Variants in LEMD2 observed in about 807,000 individuals in gnomAD.
LEMD2 encodes the protein LEM domain nuclear envelope protein 2.
A neutral mutation model predicts 58.8 loss-of-function variants in LEMD2; 34 were observed. That is an observed-to-expected ratio of 0.58 (90% CI 0.44 to 0.77). The LOEUF is 0.77. Ranked by LOEUF, LEMD2 falls within the 30% of genes least tolerant of loss-of-function variation. The pLI is 0.00. For missense variants in LEMD2, 629 were observed against 717.9 expected (o/e 0.88, Z 1.42); for synonymous variants, 298 against 308.9 (o/e 0.96, Z 0.37).
At chr6:33,780,297 T>G (rs1246894953) in intron 4 of LEMD2, 118 bp from the exon 5 acceptor site, 1 of 886,650 alleles carries the variant, frequency 1.1e-6, no homozygotes, top group East Asian at 2.7e-5. Context: ...AAAACCCTGT[T>G]CTGCTAAAAG....
At chr6:33,786,607 T>C in intron 2 of LEMD2, 127 bp downstream of exon 2, 1 of 706,316 alleles carries the variant, frequency 1.4e-6, no homozygotes, top group East Asian at 2.6e-5. Context: ...GAACACAATG[T>C]GACTCTGGTA....
intron 1 of LEMD2, 80 bp downstream of exon 1, chr6:33,788,301 C>T: frequency 7.2e-7 from 1 of 1,389,300 alleles, no homozygotes; most frequent in Non-Finnish European, 9.5e-7. Context: ...AGTGCGCGGC[C>T]TGGCGCCGAC....
At chr6:33,783,297 G>T (rs1183346173) in intron 3 of LEMD2, among the ~76,000 whole-genome samples, 1 of 152,200 alleles carries the variant, frequency 6.6e-6, no homozygotes, top group Non-Finnish European at 1.5e-5. Context: ...GCTCATGGAT[G>T]CCTCCCCTAC....
chr6:33,778,208 C>A lies in LEMD2; in HGVS notation c.1156+34G>T. On this transcript the variant is annotated intron_variant, in intron 6 of 8. Transcript: ENST00000293760. The surrounding 1 kb of genome is among the most constrained non-coding windows in gnomAD (Gnocchi z 4.7). Reference sequence around the variant, plus strand: ...TCATGCCTAGGAGTATGCTTGACTGCACAGAAGGGGAGGGAAGGCGGCCGA... The same window carrying A: ...TCATGCCTAGGAGTATGCTTGACTGAACAGAAGGGGAGGGAAGGCGGCCGA... 1 of 1,549,776 alleles carries A rather than the reference C, an allele frequency of 6.5e-7. No individual in the cohort carries two copies. Among genetic ancestry groups the A allele is most frequent in the Non-Finnish European group, 8.7e-7 (1 of 1,145,058 alleles).
chr6:33,778,218 G>T lies in LEMD2; in HGVS notation c.1156+24C>A, dbSNP rs762262649. The T allele has an allele frequency of 1.3e-6, 2 of 1,564,492 alleles. No individual in the cohort carries two copies. Among genetic ancestry groups the T allele is most frequent in the South Asian group, 1.2e-5 (1 of 83,314 alleles). On this transcript the variant is annotated intron_variant, in intron 6 of 8. Transcript: ENST00000293760. This position sits in a 1 kb window ranked among gnomAD's most constrained non-coding sequence, Gnocchi z 4.7. ...GAGTATGCTTGACTGCACAGAAGGG[G>T]AGGGAAGGCGGCCGAGGACTTACAC...
At chr6:33,774,970 CTGAATGAA>C (rs3067716) in intron 8 of LEMD2, among the ~76,000 whole-genome samples, 8 of 151,416 alleles carry the variant, frequency 5.3e-5, no homozygotes, top group Non-Finnish European at 8.8e-5. Context: ...TGTGGAGGAA[CTGAATGAA>C]TGAATGAATG....
At chr6:33,773,097 G>A (rs967048576) in intron 8 of LEMD2, among the ~76,000 whole-genome samples, 1 of 152,152 alleles carries the variant, frequency 6.6e-6, no homozygotes, top group African/African-American at 2.4e-5. Context: ...TGTTGCCTGC[G>A]CAGCCCTTGC....
chr6:33,772,283 G>A lies in LEMD2; in HGVS notation c.*345C>T, dbSNP rs1767317723. On this transcript the variant is annotated 3_prime_UTR_variant, in exon 9 of 9. Coordinates refer to ENST00000293760, the MANE Select transcript of LEMD2 (RefSeq NM_181336.4). ...TCCCAGGTGACAGACTCCCTGGCGT[G>A]GCCATGCCCCAGCCCACCAGCCCCA... is the stretch of plus-strand genomic sequence containing the variant. 5.4e-6 allele frequency: 1 copy of A among 186,066 alleles called. No homozygotes were observed. Among genetic ancestry groups the A allele is most frequent in the Non-Finnish European group, 1.1e-5 (1 of 90,272 alleles). The allele number at this position is 186,066 out of a possible 1,614,324, so 11.5% of individuals were successfully genotyped here.
chr6:33,786,618 C>A lies in LEMD2; in HGVS notation c.777+116G>T, dbSNP rs567462537. 41 of 749,374 alleles carry A rather than the reference C, an allele frequency of 5.5e-5. No individual in the cohort carries two copies. The East Asian group carries it at 9.4e-4, about 17-fold the overall frequency. The allele number at this position is 749,374 out of a possible 1,614,324, so 46.4% of individuals were successfully genotyped here. On this transcript the variant is annotated intron_variant, in intron 2 of 8. Coordinates refer to ENST00000293760, the MANE Select transcript of LEMD2 (RefSeq NM_181336.4). ...CACAGAACACAATGTGACTCTGGTA[C>A]ATTACAGGAAGCACTCCCTGAAAAT...
intron 8 of LEMD2, among the ~76,000 whole-genome samples, chr6:33,775,076 C>G (rs1298736994): frequency 6.6e-6 from 1 of 152,254 alleles, no homozygotes. Flanking sequence ...CACAGGTTGA[C>G]TGAGATGCTC....
At position 33,777,146 on chromosome 6, in the gene LEMD2, T is replaced by C; in HGVS notation, c.1250A>G (p.Lys417Arg). ...ACCAGGGGGCCACGCACCTATAATCTTCTTCACCATCTCATACATGGCTTG... is the reference window on the plus strand; with the variant it reads ...ACCAGGGGGCCACGCACCTATAATCCTCTTCACCATCTCATACATGGCTTG... ...EEQAMYEMVK[K>R]IIDVVQDHYV... The change falls in exon 7 of 9, where the codon AAG becomes AGG. Residue 417 changes from lysine to arginine, a missense_variant. Around this residue, in one of 2 missense-constraint regions of LEMD2, gnomAD observed 243 missense variants for 336.8 expected, o/e 0.72. Coordinates refer to ENST00000293760, the MANE Select transcript of LEMD2 (RefSeq NM_181336.4). 2 of 1,614,076 alleles carry C rather than the reference T, an allele frequency of 1.2e-6. No homozygotes were observed. The highest frequency in any genetic ancestry group is 1.7e-6 in the Non-Finnish European group (2 of 1,179,900).
Position 33,789,045 on chromosome 6 carries a change from G to A in LEMD2, c.72C>T (p.Thr24=), listed in dbSNP as rs1458609085. The A allele has an allele frequency of 1.3e-6, 2 of 1,557,182 alleles. No individual in the cohort carries two copies. The highest frequency in any genetic ancestry group is 1.7e-6 in the Non-Finnish European group (2 of 1,158,856). ...TGCGGTAGACATCCCGGGTGGTGTC[G>A]GTGATGGGTCCTGGCTGGAAGCCCA... ...QALGFQPGPI[T]DTTRDVYRNK... is the part of the protein sequence containing the mutation. The change falls in exon 1 of 9, where the codon ACC becomes ACT. Residue 24 remains threonine (T), a synonymous_variant. Transcript: ENST00000293760.
intron 2 of LEMD2, among the ~76,000 whole-genome samples, chr6:33,785,946 C>T (rs1172841660): frequency 6.6e-6 from 1 of 152,236 alleles, no homozygotes; most frequent in Admixed American, 6.5e-5. Flanking sequence ...ACAGTCAATG[C>T]AGGGCTGGCC....
At position 33,784,436 on chromosome 6, in the gene LEMD2, G is replaced by A; in HGVS notation, c.778-9C>T. The A allele has an allele frequency of 4.5e-6, 6 of 1,318,752 alleles. No homozygotes were observed. The highest frequency in any genetic ancestry group is 6.1e-6 in the Non-Finnish European group (6 of 978,694). 81.7% of individuals were successfully genotyped at this position (1,318,752 alleles called of 1,614,324 possible). On this transcript the variant is annotated splice_polypyrimidine_tract_variant and intron_variant, in intron 2 of 8. Transcript: ENST00000293760. ...TGCTTGGCCTGACAGAACTGGAAAGGCACGGGACAAGTGGTCAGCAAGGAG... is the reference window on the plus strand; with the variant it reads ...TGCTTGGCCTGACAGAACTGGAAAGACACGGGACAAGTGGTCAGCAAGGAG...
chr6:33,789,106 A>C lies in LEMD2; in HGVS notation c.11T>G (p.Leu4Arg). The C allele has an allele frequency of 1.3e-6, 2 of 1,533,940 alleles. No individual in the cohort carries two copies. Among genetic ancestry groups the C allele is most frequent in the South Asian group, 1.2e-5 (1 of 84,116 alleles). ...CTCCCGCCGCAGTTCCAGGTCCGAC[A>C]GGCCGGCCATGGCCAGGACGCCGCC... MAG[L>R]SDLELRRELQ... is the part of the protein sequence containing the mutation. Residue 4 changes from leucine (L) to arginine (R), a missense_variant, in exon 1 of 9, where the codon CTG becomes CGG. By Grantham distance (102) the Leu-to-Arg change is moderately radical. Around this residue, in one of 2 missense-constraint regions of LEMD2, gnomAD observed 386 missense variants for 381.1 expected, o/e 1.01. Transcript: ENST00000293760.
chr6:33,777,420 AGAT>A (rs1350768696), intron 6 of LEMD2, among the ~76,000 whole-genome samples, 181 bp from the exon 7 acceptor site: 2 of 152,216 alleles, frequency 1.3e-5, no homozygotes, highest in Non-Finnish European at 2.9e-5. Context: ...GAGGGACGAC[AGAT>A]TATTAAGTGA....
At chr6:33,775,845 G>A (rs895659438) in intron 8 of LEMD2, among the ~76,000 whole-genome samples, 2 of 152,180 alleles carry the variant, frequency 1.3e-5, no homozygotes, top group Non-Finnish European at 2.9e-5. Flanking sequence ...TGCATCTGTG[G>A]AGAGCTCCAA....
Position 33,789,128 on chromosome 6 carries a change from C to T in LEMD2, c.-12G>A, listed in dbSNP as rs1203779663. On this transcript the variant is annotated 5_prime_UTR_variant, in exon 1 of 9. Coordinates refer to ENST00000293760, the MANE Select transcript of LEMD2 (RefSeq NM_181336.4). ...GACAGGCCGGCCATGGCCAGGACGC[C>T]GCCCCCCGCCCGCCCCTGGCGCGCA... 4 of 1,490,582 alleles carry T rather than the reference C, an allele frequency of 2.7e-6. No homozygotes were observed. The highest frequency in any genetic ancestry group is 3.5e-6 in the Non-Finnish European group (4 of 1,130,446). The allele number at this position is 1,490,582 out of a possible 1,614,324, so 92.3% of individuals were successfully genotyped here.
chr6:33,788,334 G>A, intron 1 of LEMD2, 47 bp downstream of exon 1: 1 of 1,500,342 alleles, frequency 6.7e-7, no homozygotes, highest in African/African-American at 1.4e-5. Flanking sequence ...TCCTCCGGCG[G>A]ACACACGCGC....
Sources: allele counts gnomAD v4.1 joint callset (sites outside exome capture counted in the v4.1 genomes callset), GRCh38; gene constraint gnomAD v4.1.1; regional missense constraint gnomAD v4.1.1; non-coding constraint Gnocchi (gnomAD v3.1); transcripts MANE v1.5; gene names NCBI Gene and HGNC (gene_info 2026-07-23, HGNC 2026-07-21).